The following ZNF883 variants were observed in gnomAD, a reference collection of about 807,000 sequenced individuals.
ZNF883 encodes the protein zinc finger protein 883.
chr9:112,988,972 A>G (rs7047033), intron 1 of ZNF883, among the ~76,000 whole-genome samples: 6,171 of 151,912 alleles, frequency 0.041, 407 homozygotes, highest in African/African-American at 0.14. Context: ...CTATTTTTTA[A>G]TGGGATTATT....
intron 2 of ZNF883, among the ~76,000 whole-genome samples, chr9:113,010,550 T>C (rs142652046): frequency 5.3e-5 from 8 of 152,300 alleles, no homozygotes; most frequent in Non-Finnish European, 1.0e-4. Context: ...ATGAGAGCAG[T>C]TTAAGTGCTC....
At chr9:112,998,451 G>C (rs1158783863), upstream of ZNF883, 21 of 430,302 alleles carry the variant, frequency 4.9e-5, no homozygotes, top group Non-Finnish European at 7.8e-5. Flanking sequence ...TTATGCTTCA[G>C]GTTCCTACCA....
downstream of ZNF883, among the ~76,000 whole-genome samples, chr9:112,995,356 C>CT (rs202246141): frequency 0.024 from 3,636 of 151,972 alleles, 81 homozygotes; most frequent in Non-Finnish European, 0.036. Flanking sequence ...ACTTTACCAT[C>CT]GGCTCTCCTG....
intron 1 of ZNF883, among the ~76,000 whole-genome samples, chr9:112,989,114 CAGA>C (rs1285521081): frequency 1.3e-5 from 2 of 152,252 alleles, no homozygotes; most frequent in Non-Finnish European, 2.9e-5. Flanking sequence ...TTTTGCTGTA[CAGA>C]AGCTCTTTAG....
chr9:113,009,436 AT>A (rs1382314546), intron 2 of ZNF883, among the ~76,000 whole-genome samples: 22 of 151,488 alleles, frequency 1.5e-4, no homozygotes. Flanking sequence ...GAGGCTTTGC[AT>A]TTGCTGTTGC....
intron 2 of ZNF883, among the ~76,000 whole-genome samples, chr9:113,007,865 T>TTC (rs1413128468): frequency 7.2e-5 from 11 of 152,188 alleles, no homozygotes; most frequent in Non-Finnish European, 1.0e-4. Context: ...CTCTCCCCTA[T>TTC]TCTCGAGTTC....
At chr9:112,993,282 T>C (rs919234713), downstream of ZNF883, among the ~76,000 whole-genome samples, 1 of 152,224 alleles carries the variant, frequency 6.6e-6, no homozygotes, top group African/African-American at 2.4e-5. Flanking sequence ...GTTGATACTG[T>C]TGTTGCTGTT....
chr9:112,997,417 A>G (rs1349200282), exon 1 of ZNF883: 4 of 1,614,066 alleles, frequency 2.5e-6, no homozygotes, highest in Non-Finnish European at 2.5e-6. Context: ...TTAGATGTTC[A>G]GTAAGGTGTG....
chr9:113,007,678 T>A (rs139989976), intron 2 of ZNF883, among the ~76,000 whole-genome samples: 1 of 152,236 alleles, frequency 6.6e-6, no homozygotes, highest in East Asian at 1.9e-4. Context: ...CTAGAGCTTC[T>A]TGCTCTCTAA....
At chr9:112,995,663 A>G (rs577244920), downstream of ZNF883, among the ~76,000 whole-genome samples, 45 of 152,236 alleles carry the variant, frequency 3.0e-4, no homozygotes, top group African/African-American at 1.1e-3. Flanking sequence ...AAAGTCACCA[A>G]TGTATATAGA....
At chr9:112,998,105 C>A (rs374489167) in exon 1 of ZNF883, 1 of 1,613,798 alleles carries the variant, frequency 6.2e-7, no homozygotes, top group South Asian at 1.1e-5. Flanking sequence ...ATTACTGTTC[C>A]GGGTAAAGGA....
At chr9:112,991,481 A>C (rs1828302345) in intron 1 of ZNF883, among the ~76,000 whole-genome samples, 1 of 132,480 alleles carries the variant, frequency 7.5e-6, no homozygotes, top group Non-Finnish European at 1.6e-5. Flanking sequence ...TTCTGCATTT[A>C]CTGAAGAGTG....
upstream of ZNF883, among the ~76,000 whole-genome samples, chr9:113,000,838 T>C (rs963537962): frequency 6.6e-6 from 1 of 151,940 alleles, no homozygotes; most frequent in Non-Finnish European, 1.5e-5. Context: ...AACACTTAAG[T>C]TGAAAAAATA....
downstream of ZNF883, among the ~76,000 whole-genome samples, chr9:112,995,099 T>A (rs1564331409): frequency 1.3e-5 from 2 of 152,218 alleles, no homozygotes; most frequent in Non-Finnish European, 2.9e-5. Context: ...TGTCTTTGAA[T>A]GTGTTTCAAA....
upstream of ZNF883, among the ~76,000 whole-genome samples, chr9:112,999,391 C>G (rs1043919448): frequency 6.6e-6 from 1 of 152,130 alleles, no homozygotes; most frequent in Non-Finnish European, 1.5e-5. Context: ...GGGGTTGTTT[C>G]CATTCTGACC....
chr9:112,991,682 T>C (rs1351151965), intron 1 of ZNF883, among the ~76,000 whole-genome samples: 1 of 152,204 alleles, frequency 6.6e-6, no homozygotes, highest in Non-Finnish European at 1.5e-5. Flanking sequence ...AAGCGGCATG[T>C]TAAAGTCTCC....
chr9:112,988,862 G>A (rs996890782), intron 1 of ZNF883, among the ~76,000 whole-genome samples: 1 of 150,254 alleles, frequency 6.7e-6, no homozygotes, highest in African/African-American at 2.5e-5. Context: ...TCGTGGTTTT[G>A]ATTTGCATTT....
chr9:112,998,950 G>T (rs1289476254), upstream of ZNF883: 2 of 151,948 alleles, frequency 1.3e-5, no homozygotes, highest in African/African-American at 4.8e-5. Flanking sequence ...TGGATATACT[G>T]GTGTTTCTCA....
downstream of ZNF883, among the ~76,000 whole-genome samples, chr9:112,993,447 G>C (rs1057268607): frequency 6.6e-6 from 1 of 152,154 alleles, no homozygotes; most frequent in Non-Finnish European, 1.5e-5. Flanking sequence ...TGTCTCAGAG[G>C]GGCACCAAAC....
Sources: allele counts gnomAD v4.1 joint callset (sites outside exome capture counted in the v4.1 genomes callset), GRCh38; gene constraint gnomAD v4.1.1; transcripts MANE v1.5; gene names NCBI Gene and HGNC (gene_info 2026-07-23, HGNC 2026-07-21).